Variants in RFX5 observed in about 807,000 individuals in gnomAD.
The protein encoded by RFX5 is DNA-binding protein RFX5.
Under a neutral mutation model 41.2 loss-of-function variants are expected in RFX5, and 30 were observed. That is an observed-to-expected ratio of 0.73 (90% CI 0.54 to 0.99). The LOEUF is 0.99. Ranked by LOEUF, RFX5 falls within the 50% of genes least tolerant of loss-of-function variation. RFX5 has a pLI of 0.00. For missense variants in RFX5, 715 were observed against 773.6 expected, an observed-to-expected ratio of 0.92 and a Z score of 0.90; for synonymous variants, 231 against 291.8, an observed-to-expected ratio of 0.79 and a Z score of 2.12.
At position 151,343,236 on chromosome 1, in the gene RFX5, T is replaced by C. The variant is rs1650664367; in HGVS notation, c.859-58A>G. 4.3e-6 allele frequency: 7 copies of C among 1,609,980 alleles called. No individual in the cohort carries two copies. The African/African-American group carries it at 5.3e-5, about 12-fold the overall frequency. On this transcript the variant is annotated intron_variant, in intron 10 of 10. Coordinates refer to ENST00000452671, the MANE Select transcript of RFX5 (RefSeq NM_001025603.2). ...TGAAGAATGAGTATTGGGGGAAACA[T>C]AGACGCCAGAGGCACAGGAGGTGGA...
In RFX5 at chr1:151,346,524, C is replaced by T; in HGVS notation, c.-49G>A. ...AATTAGAAATTATTCCATTACTTCG[C>T]CAGGCCCATATATGCCCAAAGAGAT... On this transcript the variant is annotated 5_prime_UTR_variant, in exon 2 of 11. Coordinates refer to ENST00000452671, the MANE Select transcript of RFX5 (RefSeq NM_001025603.2). 1 of 568,796 alleles carries T rather than the reference C, an allele frequency of 1.8e-6. No individual in the cohort carries two copies. The highest frequency in any genetic ancestry group is 3.0e-5 in the East Asian group (1 of 33,396). The allele number at this position is 568,796 out of a possible 1,614,324, so 35.2% of individuals were successfully genotyped here.
intron 4 of RFX5, 187 bp from the exon 5 acceptor site, chr1:151,345,375 C>T: frequency 3.8e-6 from 2 of 530,532 alleles, no homozygotes; most frequent in African/African-American, 3.8e-5. Flanking sequence ...TTTGGAAGGC[C>T]AAGGCAGGCT....
intron 7 of RFX5, 34 bp from the exon 8 acceptor site, chr1:151,344,312 G>A (rs1337266377): frequency 9.9e-6 from 16 of 1,613,496 alleles, no homozygotes; most frequent in South Asian, 2.2e-5. Flanking sequence ...AACACATGGC[G>A]ATCTCCAAGC....
rs1233467888 is a variant in RFX5 at position 151,342,714 on chromosome 1, G to A, written c.1323C>T (p.Ala441=). Residue 441 remains alanine, a synonymous_variant, in exon 11 of 11, where the codon GCC becomes GCT. Coordinates refer to ENST00000452671, the MANE Select transcript of RFX5 (RefSeq NM_001025603.2). Reference sequence around the variant, plus strand: ...CTTTAGCTGGTGGAGCCTGCCCACTGGCCTCACTCACAGGTACTTCAGCTG... The same window carrying A: ...CTTTAGCTGGTGGAGCCTGCCCACTAGCCTCACTCACAGGTACTTCAGCTG... ...KRTAEVPVSE[A]SGQAPPAKAA... is the part of the protein sequence containing the mutation. 2.5e-6 allele frequency: 4 copies of A among 1,614,212 alleles called. No individual in the cohort carries two copies. The highest frequency in any genetic ancestry group is 3.4e-6 in the Non-Finnish European group (4 of 1,180,050).
chr1:151,345,901 T>C (rs779310336), intron 4 of RFX5, 27 bp downstream of exon 4: 14 of 1,613,936 alleles, frequency 8.7e-6, no homozygotes, highest in Non-Finnish European at 1.1e-5. Flanking sequence ...TCCATCCCTC[T>C]CTTGCCCTCT....
At chr1:151,345,699 G>A (rs1650977484) in intron 4 of RFX5, among the ~76,000 whole-genome samples, 2 of 152,066 alleles carry the variant, frequency 1.3e-5, no homozygotes, top group South Asian at 2.1e-4. Flanking sequence ...GGGAAGTAGA[G>A]GGGATCAGCT....
chr1:151,342,875 C>G lies in RFX5; in HGVS notation c.1162G>C (p.Val388Leu). The change falls in exon 11 of 11, where the codon GTT (valine) becomes CTT (leucine). Residue 388 changes from valine (V) to leucine (L), a missense_variant. By Grantham distance (32) the Val-to-Leu change is conservative (BLOSUM62 1). Coordinates refer to ENST00000452671, the MANE Select transcript of RFX5 (RefSeq NM_001025603.2). ...VPIINMILPT[V>L]PALPGPGPGP... is the part of the protein sequence containing the mutation. ...GGTCCAGGTCCAGGCAAAGCAGGAA[C>G]AGTTGGTAAGATCATGTTAATGATG... is the stretch of plus-strand genomic sequence containing the variant. 1 of 1,614,214 alleles carries G rather than the reference C, an allele frequency of 6.2e-7. No homozygotes were observed. The highest frequency in any genetic ancestry group is 8.5e-7 in the Non-Finnish European group (1 of 1,180,046).
At position 151,346,265 on chromosome 1, in the gene RFX5, G is replaced by T. The variant is rs548049340; in HGVS notation, c.56C>A (p.Pro19Gln). 26 of 1,613,736 alleles carry T rather than the reference G, an allele frequency of 1.6e-5. 1 individual carries two copies. Among genetic ancestry groups the T allele is most frequent in the African/African-American group, 1.6e-4 (12 of 74,866 alleles). ...KSPKTGGRAPPGGAEAGEPTT... is the reference protein window; with the variant it reads ...KSPKTGGRAPQGGAEAGEPTT... ...AGGTTCCCCAGCCTCAGCACCACCT[G>T]GGGGGGCCCTTCCCCCAGTCTTGGG... is the stretch of plus-strand genomic sequence containing the variant. The change falls in exon 3 of 11, where the codon CCA becomes CAA. Residue 19 changes from proline to glutamine, a missense_variant. Transcript: ENST00000452671.
chr1:151,340,948 T>G lies in RFX5; in HGVS notation c.*1238A>C, dbSNP rs1244176488. ...ATACATCTGGAGGGTCTGCATTCCT[T>G]TCTCATTGGTGCCGCCTGACCACAG... On this transcript the variant is annotated 3_prime_UTR_variant, in exon 11 of 11. Coordinates refer to ENST00000452671, the MANE Select transcript of RFX5 (RefSeq NM_001025603.2). 1 of 152,664 alleles carries G rather than the reference T, an allele frequency of 6.6e-6. No individual in the cohort carries two copies. The highest frequency in any genetic ancestry group is 1.5e-5 in the Non-Finnish European group (1 of 68,054). 9.5% of individuals were successfully genotyped at this position (152,664 alleles called of 1,614,324 possible). A position where few individuals can be genotyped will look rare whatever the true frequency, so the allele number is the denominator to read the frequency against.
intron 6 of RFX5, 25 bp downstream of exon 6, chr1:151,344,703 T>TGCCCCCCCCCCCCCCC: frequency 6.6e-7 from 1 of 1,515,662 alleles, no homozygotes; most frequent in Non-Finnish European, 8.9e-7. Context: ...AATCCACTCA[T>TGCCCCCCCCCCCCCCC]CCCACCACCC....
At chr1:151,344,305 A>G (rs1406173564) in intron 7 of RFX5, 27 bp from the exon 8 acceptor site, 2 of 1,613,954 alleles carry the variant, frequency 1.2e-6, no homozygotes, top group Non-Finnish European at 1.7e-6. Flanking sequence ...AGCAGCCAAC[A>G]CATGGCGATC....
Position 151,344,260 on chromosome 1 carries a change from T to G in RFX5, c.492A>C (p.Ile164=), listed in dbSNP as rs1557833103. The change falls in exon 8 of 11, where the codon ATA becomes ATC. Residue 164 remains isoleucine (I), a synonymous_variant. Coordinates refer to ENST00000452671, the MANE Select transcript of RFX5 (RefSeq NM_001025603.2). Reference sequence around the variant, plus strand: ...GCATAGACACCAAGGTCTTCCTCCTTATGCCACTGTAGCAATATCTGATGC... The same window carrying G: ...GCATAGACACCAAGGTCTTCCTCCTGATGCCACTGTAGCAATATCTGATGC... ...RGQSKYCYSG[I]RRKTLVSMPP... The G allele has an allele frequency of 6.2e-7, 1 of 1,614,128 alleles. No individual in the cohort carries two copies. The highest frequency in any genetic ancestry group is 8.5e-7 in the Non-Finnish European group (1 of 1,180,014).
Position 151,342,668 on chromosome 1 carries a change from C to T in RFX5, c.1369G>A (p.Asp457Asn). Residue 457 changes from aspartate (D) to asparagine (N), a missense_variant, in exon 11 of 11, where the codon GAT becomes AAT. Asp to Asn is a conservative substitution (Grantham distance 23, BLOSUM62 1). Transcript: ENST00000452671. ...TTCCTTTTGGCATCACTTGCTGTAT[C>T]CTCTATATCCTGCTTTGCTGCTTTA... ...PAKAAKQDIE[D>N]TASDAKRKRG... The T allele has an allele frequency of 6.2e-7, 1 of 1,614,250 alleles. No individual in the cohort carries two copies. The highest frequency in any genetic ancestry group is 8.5e-7 in the Non-Finnish European group (1 of 1,180,044).
At chr1:151,345,256 G>T in intron 4 of RFX5, 68 bp from the exon 5 acceptor site, 2 of 1,194,702 alleles carry the variant, frequency 1.7e-6, no homozygotes, top group Non-Finnish European at 2.5e-6. Flanking sequence ...AGGACCCTCT[G>T]ATCCCCACAC....
Position 151,341,146 on chromosome 1 carries a change from G to A in RFX5, c.*1040C>T, listed in dbSNP as rs1393884420. On this transcript the variant is annotated 3_prime_UTR_variant, in exon 11 of 11. Transcript: ENST00000452671. ...GGTGAGAGGGAAGCAGGAATGAGAA[G>A]ACAAAAATTAAGAAACAGGAAAAGG... 1 of 152,194 alleles carries A rather than the reference G, an allele frequency of 6.6e-6. No individual in the cohort carries two copies. The highest frequency in any genetic ancestry group is 2.4e-5 in the African/African-American group (1 of 41,424). The allele number at this position is 152,194 out of a possible 1,614,324, so 9.4% of individuals were successfully genotyped here.
rs969990075 is a variant in RFX5, at chr1:151,345,876, T to C, written c.150+52A>G. On this transcript the variant is annotated intron_variant, in intron 4 of 10. Transcript: ENST00000452671. ...GTTGATGCCCATCATCCTCACATCC[T>C]CCTCCCTCAGCATTTCCATCCCTCT... 14 of 1,611,784 alleles carry C rather than the reference T, an allele frequency of 8.7e-6. No individual in the cohort carries two copies. In the African/African-American group the frequency reaches 1.9e-4, roughly 22 times the overall value.
Position 151,344,394 on chromosome 1 carries a change from C to A in RFX5, c.473+23G>T, listed in dbSNP as rs772034328. On this transcript the variant is annotated intron_variant, in intron 7 of 10. Coordinates refer to ENST00000452671, the MANE Select transcript of RFX5 (RefSeq NM_001025603.2). ...AGTCTTCCTCCCAGGTCCTCCACCCCCAACCTCTCTAGTCAAGGATACTTG... is the reference window on the plus strand; with the variant it reads ...AGTCTTCCTCCCAGGTCCTCCACCCACAACCTCTCTAGTCAAGGATACTTG... 2.2e-5 allele frequency: 36 copies of A among 1,614,088 alleles called. No individual in the cohort carries two copies. The Admixed American group carries it at 4.8e-4, about 22-fold the overall frequency.
chr1:151,342,695 C>A lies in RFX5; in HGVS notation c.1342G>T (p.Ala448Ser), dbSNP rs1650570608. 2 of 1,614,118 alleles carry A rather than the reference C, an allele frequency of 1.2e-6. No homozygotes were observed. Among genetic ancestry groups the A allele is most frequent in the Admixed American group, 1.7e-5 (1 of 59,996 alleles). ...TCTATATCCTGCTTTGCTGCTTTAG[C>A]TGGTGGAGCCTGCCCACTGGCCTCA... ...VSEASGQAPP[A>S]KAAKQDIEDT... is the part of the protein sequence containing the mutation. The change falls in exon 11 of 11, where the codon GCT (alanine) becomes TCT (serine). Residue 448 changes from alanine (A) to serine (S), a missense_variant. Transcript: ENST00000452671.
In RFX5 at chr1:151,343,150, C is replaced by T. The variant is rs867450914; in HGVS notation, c.887G>A (p.Gly296Glu). Residue 296 changes from glycine to glutamate, a missense_variant, in exon 11 of 11, where the codon GGG (glycine) becomes GAG (glutamate). Gly to Glu is a moderately conservative substitution (Grantham distance 98). Transcript: ENST00000452671. ...QPPKDLEART[G>E]AGPLARGERK... ...CTCTCCACGTGCGAGAGGACCGGCC[C>T]CAGTTCGGGCTTCCAGATCCTTAGG... The T allele has an allele frequency of 6.2e-7, 1 of 1,611,438 alleles. No individual in the cohort carries two copies. Among genetic ancestry groups the T allele is most frequent in the Admixed American group, 1.7e-5 (1 of 60,002 alleles).
Sources: gnomAD v4.1 joint callset for allele counts (sites outside exome capture counted in the v4.1 genomes callset) on GRCh38, gnomAD v4.1.1 for gene constraint, MANE v1.5 for transcripts, NCBI Gene and HGNC (gene_info 2026-07-23, HGNC 2026-07-21) for gene names.